The following HGS variants were observed in gnomAD, a reference collection of about 807,000 sequenced individuals.
HGS encodes hepatocyte growth factor-regulated tyrosine kinase substrate.
Under a neutral mutation model 109.7 loss-of-function variants are expected in HGS, and 63 were observed. The observed-to-expected ratio is 0.57, with a 90% CI of 0.47 to 0.71. The LOEUF is 0.71. Among genes scored for constraint, HGS ranks in the 30% least tolerant of loss-of-function variants. HGS has a pLI of 0.00. For missense variants in HGS, 995 were observed against 1,068.3 expected (o/e 0.93, Z 0.96); for synonymous variants, 546 against 437.3 (o/e 1.25, Z -3.10).
chr17:81,684,164 A>G (rs1004662735), intron 1 of HGS, 61 bp downstream of exon 1: 13 of 1,378,152 alleles, frequency 9.4e-6, no homozygotes, highest in Non-Finnish European at 1.2e-5. Context: ...CCCGGCGCTG[A>G]GTCAGCGCGG....
chr17:81,700,434 G>A, intron 18 of HGS, 33 bp from the exon 19 acceptor site: 2 of 1,515,526 alleles, frequency 1.3e-6, no homozygotes, highest in East Asian at 2.3e-5. Context: ...TGTTGCCCTG[G>A]CTGAACCATC....
At chr17:81,700,962 C>G in intron 20 of HGS, 83 bp from the exon 21 acceptor site, 1 of 1,544,356 alleles carries the variant, frequency 6.5e-7, no homozygotes, top group Non-Finnish European at 8.9e-7. Flanking sequence ...CTGTGGTCAC[C>G]TTTGGATTGT....
chr17:81,688,769 C>G lies in HGS; in HGVS notation c.357C>G (p.Phe119Leu), dbSNP rs2037021354. The G allele has an allele frequency of 6.2e-7, 1 of 1,614,142 alleles. No individual in the cohort carries two copies. The highest frequency in any genetic ancestry group is 8.5e-7 in the Non-Finnish European group (1 of 1,180,000). ...TGATCCAGGCCTGGGCGCATGCCTTCCGGAACGAGCCCAAGTACAAGGTGG... is the reference window on the plus strand; with the variant it reads ...TGATCCAGGCCTGGGCGCATGCCTTGCGGAACGAGCCCAAGTACAAGGTGG... ...LYLIQAWAHA[F>L]RNEPKYKVVQ... Residue 119 changes from phenylalanine to leucine, a missense_variant, in exon 5 of 22, where the codon TTC becomes TTG. Phe to Leu is a conservative substitution (Grantham distance 22). This residue lies in a region of HGS where 182 missense variants were observed against 261.3 expected (regional missense o/e 0.70). Coordinates refer to ENST00000329138, the MANE Select transcript of HGS (RefSeq NM_004712.5).
chr17:81,689,807 T>G (rs182155996), intron 5 of HGS, among the ~76,000 whole-genome samples: 48 of 152,176 alleles, frequency 3.2e-4, no homozygotes, highest in African/African-American at 1.1e-3. Context: ...TCTCCTGGAT[T>G]TTTTCTGGGG....
intron 19 of HGS, 45 bp downstream of exon 19, chr17:81,700,645 C>T (rs2037222229): frequency 6.4e-7 from 1 of 1,570,372 alleles, no homozygotes; most frequent in African/African-American, 1.4e-5. Flanking sequence ...CAGCCCCAGC[C>T]CCAGCCCCAG....
At chr17:81,697,525 G>A (rs1353863652) in intron 18 of HGS, 1 of 152,566 alleles carries the variant, frequency 6.6e-6, no homozygotes. Flanking sequence ...TGGCAGCCGA[G>A]GTGACGTGCA....
intron 4 of HGS, 34 bp downstream of exon 4, chr17:81,687,129 A>C (rs762373397): frequency 2.7e-6 from 4 of 1,485,944 alleles, no homozygotes; most frequent in Non-Finnish European, 2.8e-6. Context: ...GTGGCCACCC[A>C]GGCTGGCACC....
intron 20 of HGS, 86 bp downstream of exon 20, chr17:81,700,900 C>T (rs1204337625): frequency 1.3e-6 from 2 of 1,558,228 alleles, no homozygotes; most frequent in Non-Finnish European, 8.8e-7. Context: ...CTGGCAGGCA[C>T]TGGGTGGGCT....
rs758402759 is a variant in HGS at position 81,696,592 on chromosome 17, G to GTT, written c.1567-11_1567-10dup. ...GGGGACCTCGCAGCATAACCAGCAT[G>GTT]TTTTTGCCGCACAGGAGTACCTGGA... On this transcript the variant is annotated splice_polypyrimidine_tract_variant and intron_variant, in intron 16 of 21. Coordinates refer to ENST00000329138, the MANE Select transcript of HGS (RefSeq NM_004712.5). 17 of 1,582,588 alleles carry GTT rather than the reference G, an allele frequency of 1.1e-5. No homozygotes were observed. Among genetic ancestry groups the GTT allele is most frequent in the Non-Finnish European group, 8.6e-7 (1 of 1,161,522 alleles).
chr17:81,699,945 C>T (rs2037208594), intron 18 of HGS, among the ~76,000 whole-genome samples: 1 of 151,810 alleles, frequency 6.6e-6, no homozygotes, highest in African/African-American at 2.4e-5. Context: ...TGTGGTGGTG[C>T]ACGCCTGTAA....
Position 81,701,595 on chromosome 17 carries a change from G to A in HGS, c.2311G>A (p.Ala771Thr), listed in dbSNP as rs759963836. 21 of 1,568,104 alleles carry A rather than the reference G, an allele frequency of 1.3e-5. No individual in the cohort carries two copies. The highest frequency in any genetic ancestry group is 1.7e-5 in the Non-Finnish European group (20 of 1,163,724). ...GGGGCCGCCGGCACAGGGCAGCGAGGCCCAGCTCATTTCATTCGACTGACC... is the reference window on the plus strand; with the variant it reads ...GGGGCCGCCGGCACAGGGCAGCGAGACCCAGCTCATTTCATTCGACTGACC... ...AQGPPAQGSE[A>T]QLISFD The change falls in exon 22 of 22, where the codon GCC (alanine) becomes ACC (threonine). Residue 771 changes from alanine to threonine, a missense_variant. Ala to Thr is a moderately conservative substitution (Grantham distance 58). Transcript: ENST00000329138.
chr17:81,698,887 G>A (rs139362530), intron 18 of HGS, among the ~76,000 whole-genome samples: 370 of 152,216 alleles, frequency 2.4e-3, no homozygotes, highest in Non-Finnish European at 4.2e-3. Flanking sequence ...TGGCCAACAT[G>A]GTGAAACCCC....
rs1200491912 is a variant in HGS at position 81,691,845 on chromosome 17, C to T, written c.662+274C>T. 1.4e-5 allele frequency: 5 copies of T among 362,570 alleles called. No individual in the cohort carries two copies. The highest frequency in any genetic ancestry group is 1.6e-3 in the Middle Eastern group (2 of 1,246). 22.5% of individuals were successfully genotyped at this position (362,570 alleles called of 1,614,324 possible). A position where few individuals can be genotyped will look rare whatever the true frequency, so the allele number is the denominator to read the frequency against. ...TTGGGTTTGGGTTTGGGTTTGTTTG[C>T]ATTTCAACTTTCGGAATAAAACTTA... On this transcript the variant is annotated intron_variant, in intron 8 of 21. Coordinates refer to ENST00000329138, the MANE Select transcript of HGS (RefSeq NM_004712.5). This position sits in a 1 kb window ranked among gnomAD's most constrained non-coding sequence, Gnocchi z 5.3.
At chr17:81,688,899 T>C (rs769713742) in intron 5 of HGS, 72 bp downstream of exon 5, 11 of 1,587,928 alleles carry the variant, frequency 6.9e-6, no homozygotes, top group Non-Finnish European at 8.6e-6. Context: ...ACGGGCACAG[T>C]GGCGAGGGGC....
In HGS at chr17:81,700,452, T is replaced by C. The variant is rs200154106; in HGVS notation, c.1883-15T>C. 1.3e-6 allele frequency: 2 copies of C among 1,545,566 alleles called. No homozygotes were observed. Among genetic ancestry groups the C allele is most frequent in the East Asian group, 4.6e-5 (2 of 43,934 alleles). On this transcript the variant is annotated splice_polypyrimidine_tract_variant and intron_variant, in intron 18 of 21. Transcript: ENST00000329138. ...TGCCCTGGCTGAACCATCTCCCCTG[T>C]CTTGTTTGTCACAGATCCCAGCATG...
At chr17:81,684,230 C>T (rs935515785) in intron 1 of HGS, 127 bp downstream of exon 1, 15 of 899,466 alleles carry the variant, frequency 1.7e-5, no homozygotes, top group Non-Finnish European at 2.3e-5. Flanking sequence ...CCCCGGCCCG[C>T]TGTCCTCCCG....
chr17:81,684,819 C>T (rs961766755), intron 1 of HGS: 116 of 822,348 alleles, frequency 1.4e-4, no homozygotes, highest in Admixed American at 2.5e-4. Context: ...GTAGGGTTTT[C>T]AAGGAGACTT....
At chr17:81,696,175 G>C (rs917165193) in intron 15 of HGS, 176 bp downstream of exon 15, 1 of 847,084 alleles carries the variant, frequency 1.2e-6, no homozygotes, top group African/African-American at 1.7e-5. Flanking sequence ...GCCCTGCCCT[G>C]CCCTGCCCTG....
At position 81,693,732 on chromosome 17, in the gene HGS, G is replaced by A; in HGVS notation, c.820G>A (p.Ala274Thr). 6.4e-7 allele frequency: 1 copy of A among 1,556,372 alleles called. No individual in the cohort carries two copies. The highest frequency in any genetic ancestry group is 8.7e-7 in the Non-Finnish European group (1 of 1,151,264). The change falls in exon 10 of 22, where the codon GCG becomes ACG. Residue 274 changes from alanine to threonine, a missense_variant. By Grantham distance (58) the Ala-to-Thr change is moderately conservative. Transcript: ENST00000329138. ...GGCCCTGGCGCTGTCACAGTCAGAG[G>A]CGGAGGAGAAGGAGAGGCTGGTAAG... ...QLALALSQSE[A>T]EEKERLRQKS...
Sources: gnomAD v4.1 joint callset for allele counts (sites outside exome capture counted in the v4.1 genomes callset) on GRCh38, gnomAD v4.1.1 for gene constraint, gnomAD v4.1.1 regional missense constraint, Gnocchi (gnomAD v3.1) non-coding constraint, MANE v1.5 for transcripts, NCBI Gene and HGNC (gene_info 2026-07-23, HGNC 2026-07-21) for gene names.